The following NKAIN3 variants were observed in gnomAD, a reference collection of about 807,000 sequenced individuals.
NKAIN3 encodes sodium/potassium transporting ATPase interacting 3.
In NKAIN3, 25 loss-of-function variants were observed where a neutral mutation model predicts 30.2. The observed-to-expected ratio is 0.83, with a 90% CI of 0.60 to 1.16. The LOEUF is 1.16. Ranked by LOEUF, NKAIN3 falls within the 50% of genes most tolerant of loss-of-function variation. NKAIN3 has a pLI of 0.00. For synonymous variants in NKAIN3, 91 were observed against 89.6 expected (o/e 1.02, Z -0.09); for missense variants, 225 against 254.1 (o/e 0.89, Z 0.78).
At chr8:62,748,815 C>A (rs75122038) in intron 4 of NKAIN3, among the ~76,000 whole-genome samples, 1 of 152,114 alleles carries the variant, frequency 6.6e-6, no homozygotes, top group Admixed American at 6.5e-5. Flanking sequence ...GGAATCTGAT[C>A]ATTCTAGGTT....
intron 1 of NKAIN3, among the ~76,000 whole-genome samples, chr8:62,326,378 G>A (rs1372367006): frequency 6.6e-6 from 1 of 151,240 alleles, no homozygotes; most frequent in African/African-American, 2.4e-5. Flanking sequence ...CTGGACATTT[G>A]TTACTTATGA....
chr8:62,411,357 T>C (rs946337588), intron 1 of NKAIN3, among the ~76,000 whole-genome samples: 4 of 152,214 alleles, frequency 2.6e-5, no homozygotes, highest in African/African-American at 9.6e-5. Flanking sequence ...CATCCCTTCA[T>C]GATAAAAAGC....
intron 1 of NKAIN3, among the ~76,000 whole-genome samples, chr8:62,358,948 A>T (rs575736065): frequency 1.0e-3 from 154 of 152,274 alleles, no homozygotes; most frequent in African/African-American, 3.6e-3. Flanking sequence ...TTGGGAGGCC[A>T]AGGTGGGTGG....
intron 3 of NKAIN3, among the ~76,000 whole-genome samples, chr8:62,737,809 G>T (rs970691493): frequency 1.1e-4 from 16 of 152,022 alleles, no homozygotes; most frequent in Non-Finnish European, 1.8e-4. Flanking sequence ...CCTTCAATTA[G>T]GGCACAAACA....
intron 3 of NKAIN3, among the ~76,000 whole-genome samples, chr8:62,671,092 T>A (rs1813288224): frequency 6.6e-6 from 1 of 152,176 alleles, no homozygotes; most frequent in South Asian, 2.1e-4. Flanking sequence ...TTCTCAGCAC[T>A]TTTGAAATGG....
At chr8:62,904,017 A>G (rs1273324357) in intron 4 of NKAIN3, among the ~76,000 whole-genome samples, 1 of 152,184 alleles carries the variant, frequency 6.6e-6, no homozygotes, top group Non-Finnish European at 1.5e-5. Flanking sequence ...GAGCCAAACC[A>G]TATTGCTGTC....
At chr8:62,820,451 C>T (rs1818815049) in intron 4 of NKAIN3, among the ~76,000 whole-genome samples, 1 of 152,092 alleles carries the variant, frequency 6.6e-6, no homozygotes, top group East Asian at 1.9e-4. Context: ...ACATCATTAA[C>T]CAAGTGTGAG....
At chr8:62,569,478 A>C (rs1180154470) in intron 1 of NKAIN3, among the ~76,000 whole-genome samples, 2 of 152,170 alleles carry the variant, frequency 1.3e-5, no homozygotes, top group Non-Finnish European at 2.9e-5. Context: ...TTCCAGACAT[A>C]AAAAAGACTA....
chr8:62,720,406 AG>A (rs1815050951), intron 3 of NKAIN3, among the ~76,000 whole-genome samples: 2 of 152,342 alleles, frequency 1.3e-5, no homozygotes, highest in South Asian at 4.1e-4. Flanking sequence ...CATGGTCATG[AG>A]TAAAATAAAT....
At chr8:62,989,592 G>A (rs902136446), downstream of NKAIN3, among the ~76,000 whole-genome samples, 1 of 152,128 alleles carries the variant, frequency 6.6e-6, no homozygotes, top group African/African-American at 2.4e-5. Context: ...TACAATCTAA[G>A]ATGAGATTTG....
At chr8:62,255,929 C>T (rs1406383417) in intron 1 of NKAIN3, among the ~76,000 whole-genome samples, 1 of 152,106 alleles carries the variant, frequency 6.6e-6, no homozygotes, top group African/African-American at 2.4e-5. Flanking sequence ...TTGAAAGCTC[C>T]TTGCATGATT....
At chr8:62,322,204 C>T (rs928816777) in intron 1 of NKAIN3, among the ~76,000 whole-genome samples, 11 of 152,116 alleles carry the variant, frequency 7.2e-5, no homozygotes, top group Non-Finnish European at 1.5e-5. Flanking sequence ...GGGAGTGACC[C>T]GATTTTGCAG....
chr8:62,609,777 A>T (rs895251615), intron 3 of NKAIN3, among the ~76,000 whole-genome samples: 3 of 152,184 alleles, frequency 2.0e-5, no homozygotes, highest in Admixed American at 2.0e-4. Flanking sequence ...AGTCTCCCAG[A>T]TAGGAACATG....
chr8:62,924,538 G>C (rs1468516539), intron 5 of NKAIN3, among the ~76,000 whole-genome samples: 1 of 152,124 alleles, frequency 6.6e-6, no homozygotes, highest in African/African-American at 2.4e-5. Context: ...CGGGGAGAAG[G>C]TTCTTCCTTT....
chr8:62,676,276 A>C (rs961186876), intron 3 of NKAIN3, among the ~76,000 whole-genome samples: 3 of 152,216 alleles, frequency 2.0e-5, no homozygotes, highest in African/African-American at 7.2e-5. Context: ...AGATATTGAA[A>C]GTATACTATC....
chr8:62,981,023 T>C lies in NKAIN3; in HGVS notation c.*15616T>C, dbSNP rs1386272619. ...CCCACAAAGTCTTTGGTCTGAAGAC[T>C]CAGAGCTTAAATTGCATTGGTCCTG... On this transcript the variant is annotated 3_prime_UTR_variant, in exon 7 of 7. Coordinates refer to ENST00000623646, the MANE Select transcript of NKAIN3 (RefSeq NM_001304533.3). 6.6e-6 allele frequency: 1 copy of C among 152,206 alleles called. No homozygotes were observed. Among genetic ancestry groups the C allele is most frequent in the African/African-American group, 2.4e-5 (1 of 41,458 alleles). The allele number at this position is 152,206 out of a possible 1,614,324, so 9.4% of individuals were successfully genotyped here. A position where few individuals can be genotyped will look rare whatever the true frequency, so the allele number is the denominator to read the frequency against.
At chr8:62,900,827 A>G (rs1351256221) in intron 4 of NKAIN3, among the ~76,000 whole-genome samples, 2 of 152,142 alleles carry the variant, frequency 1.3e-5, no homozygotes, top group African/African-American at 4.8e-5. Flanking sequence ...TTAAACTGAG[A>G]TCTCTCTGAC....
intron 3 of NKAIN3, among the ~76,000 whole-genome samples, chr8:62,657,874 A>G (rs1358344134): frequency 6.6e-6 from 1 of 152,144 alleles, no homozygotes; most frequent in East Asian, 1.9e-4. Context: ...ACACAATGGG[A>G]ATGAAACTAC....
chr8:62,888,460 G>A (rs544357587), intron 4 of NKAIN3, among the ~76,000 whole-genome samples: 6 of 152,122 alleles, frequency 3.9e-5, no homozygotes, highest in South Asian at 2.1e-4. Flanking sequence ...CATCAATTAC[G>A]GTCCAAAGTT....
Sources: allele counts gnomAD v4.1 joint callset (sites outside exome capture counted in the v4.1 genomes callset), GRCh38; gene constraint gnomAD v4.1.1; transcripts MANE v1.5; gene names NCBI Gene and HGNC (gene_info 2026-07-23, HGNC 2026-07-21).